RBFOX1: variants seen among roughly 807,000 people sequenced by gnomAD.
RBFOX1 encodes the protein RNA binding protein fox-1 homolog 1.
Under a neutral mutation model 57.7 loss-of-function variants are expected in RBFOX1, and 8 were observed. That is an observed-to-expected ratio of 0.14 (90% CI 0.08 to 0.25). The LOEUF (loss-of-function observed/expected upper bound fraction) is 0.25. RBFOX1 is among the 10% of genes least tolerant of loss of function. The probability of loss-of-function intolerance (pLI) is 1.00; values close to 1 mark genes in which losing one functional copy is unlikely to be tolerated. For missense variants in RBFOX1, 611 were observed against 548.5 expected, an observed-to-expected ratio of 1.11 and a Z score of -1.14; for synonymous variants, 326 against 222.4, an observed-to-expected ratio of 1.47 and a Z score of -4.15.
At chr16:5,696,212 A>G (rs550258427) in intron 3 of RBFOX1, among the ~76,000 whole-genome samples, 3 of 152,300 alleles carry the variant, frequency 2.0e-5, no homozygotes, top group Non-Finnish European at 4.4e-5. Context: ...GCCTCTGGGT[A>G]CCTTCTCCCA....
At chr16:5,360,204 C>T (rs978605830) in intron 1 of RBFOX1, among the ~76,000 whole-genome samples, 1 of 152,210 alleles carries the variant, frequency 6.6e-6, no homozygotes, top group Non-Finnish European at 1.5e-5. Context: ...CAGGCCTGGG[C>T]AGAGTTCTGC....
At chr16:7,579,487 T>A (rs1245232681) in intron 5 of RBFOX1, among the ~76,000 whole-genome samples, 2 of 152,080 alleles carry the variant, frequency 1.3e-5, no homozygotes, top group Non-Finnish European at 2.9e-5. Context: ...CTGCCAACAC[T>A]CTATCTATGG....
intron 4 of RBFOX1, among the ~76,000 whole-genome samples, chr16:7,285,436 T>C (rs2095631373): frequency 6.6e-6 from 1 of 151,948 alleles, no homozygotes. Context: ...TCTGGTTTTG[T>C]AGAATTTTAC....
intron 13 of RBFOX1, among the ~76,000 whole-genome samples, chr16:7,666,502 C>A (rs2069329675): frequency 6.6e-6 from 1 of 152,090 alleles, no homozygotes; most frequent in Non-Finnish European, 1.5e-5. Context: ...TTTATTGAAT[C>A]ATTAATGTGT....
At chr16:7,349,699 A>T (rs73565823) in intron 4 of RBFOX1, among the ~76,000 whole-genome samples, 14,770 of 152,120 alleles carry the variant, frequency 0.097, 811 homozygotes, top group Middle Eastern at 0.11. Flanking sequence ...ATATGTGTTC[A>T]CCGATTTAGT....
intron 3 of RBFOX1, among the ~76,000 whole-genome samples, chr16:6,694,187 C>A (rs554472909): frequency 2.6e-5 from 4 of 152,104 alleles, no homozygotes; most frequent in Non-Finnish European, 5.9e-5. Flanking sequence ...CTAAATAATC[C>A]CTTTAGGGCA....
rs2098743988 is a variant in RBFOX1 at position 7,438,959 on chromosome 16, A to G, written c.28-79188A>G. On this transcript the variant is annotated intron_variant, in intron 4 of 15. Coordinates refer to ENST00000550418, the MANE Select transcript of RBFOX1 (RefSeq NM_018723.4). ...AGAAAGCCATTTCAGAAGTCAGCCC[A>G]GTGAGAAGCACCTGTATGTAGAGAA... Among the ~76,000 whole-genome samples, 3 of 152,216 alleles carry G rather than the reference A, an allele frequency of 2.0e-5. 1 individual carries two copies. The South Asian group carries it at 6.2e-4, about 32-fold the overall frequency.
rs187009634 is a variant in RBFOX1, at chr16:5,262,669, C to T, written c.219+22564C>T. On this transcript the variant is annotated intron_variant, in intron 1 of 2. Coordinates refer to the RBFOX1 transcript ENST00000585867. ...CTCTCTGCTCTTTCTCTGGAGAACC[C>T]AGAGTAATATACAAGGTTATATTAG... Among the ~76,000 whole-genome samples the T allele has an allele frequency of 5.3e-5, 8 of 152,186 alleles. No homozygotes were observed. In the East Asian group the frequency reaches 1.2e-3, roughly 22 times the overall value.
At chr16:6,916,051 A>C (rs1316169763) in intron 3 of RBFOX1, among the ~76,000 whole-genome samples, 1 of 152,122 alleles carries the variant, frequency 6.6e-6, no homozygotes, top group Non-Finnish European at 1.5e-5. Flanking sequence ...ACAGAGCTCC[A>C]CACTGCTACT....
intron 3 of RBFOX1, among the ~76,000 whole-genome samples, chr16:6,866,515 AT>A (rs1446984339): frequency 2.9e-4 from 43 of 146,760 alleles, no homozygotes; most frequent in African/African-American, 1.1e-3. Context: ...AAAAAAAAAA[AT>A]AAGGTTAGGG....
chr16:7,191,138 A>T (rs939267640), intron 4 of RBFOX1, among the ~76,000 whole-genome samples: 1 of 152,104 alleles, frequency 6.6e-6, no homozygotes, highest in South Asian at 2.1e-4. Flanking sequence ...ATTCTTCACC[A>T]TCATACTTTA....
In RBFOX1 at chr16:5,723,261, C is replaced by T. The variant is rs141705541; in HGVS notation, c.318+124300C>T. ...AGCACAGTGACTGCTCCAAGGCAGG[C>T]ATTCACCAGAGTCCATTTTCTCATT... On this transcript the variant is annotated intron_variant, in intron 3 of 19. Transcript: ENST00000641259. Among the ~76,000 whole-genome samples, 12 of 152,322 alleles carry T rather than the reference C, an allele frequency of 7.9e-5. No individual in the cohort carries two copies. The East Asian group carries it at 1.7e-3, about 22-fold the overall frequency.
intron 3 of RBFOX1, among the ~76,000 whole-genome samples, chr16:5,813,247 C>T (rs909365500): frequency 2.6e-5 from 4 of 152,112 alleles, no homozygotes; most frequent in African/African-American, 4.8e-5. Context: ...ACCTGATGAT[C>T]CGCCTATTTC....
At chr16:6,845,291 T>C (rs576309295) in intron 3 of RBFOX1, among the ~76,000 whole-genome samples, 2 of 152,322 alleles carry the variant, frequency 1.3e-5, no homozygotes, top group Admixed American at 1.3e-4. Flanking sequence ...GTTTTTTTTT[T>C]CTAGTGTTTT....
chr16:7,185,011 C>T (rs916786716), intron 4 of RBFOX1, among the ~76,000 whole-genome samples: 3 of 152,054 alleles, frequency 2.0e-5, no homozygotes, highest in Admixed American at 6.6e-5. Context: ...CCCACTTTGC[C>T]AATAAGGAAA....
intron 2 of RBFOX1, among the ~76,000 whole-genome samples, chr16:6,480,984 A>G (rs2095363039): frequency 6.6e-6 from 1 of 152,328 alleles, no homozygotes; most frequent in African/African-American, 2.4e-5. Context: ...ATCACAAGCA[A>G]TAGCAATTAT....
intron 2 of RBFOX1, among the ~76,000 whole-genome samples, chr16:6,422,076 A>C (rs1370911668): frequency 6.6e-6 from 1 of 151,804 alleles, no homozygotes; most frequent in East Asian, 1.9e-4. Context: ...AAGTACCACC[A>C]CGCCTGGCTA....
At chr16:7,268,248 A>C (rs1332481210) in intron 4 of RBFOX1, among the ~76,000 whole-genome samples, 1 of 152,220 alleles carries the variant, frequency 6.6e-6, no homozygotes, top group African/African-American at 2.4e-5. Flanking sequence ...AATGTGGTTA[A>C]GCTGTGTAGG....
chr16:5,579,102 C>A (rs141385752), intron 2 of RBFOX1, among the ~76,000 whole-genome samples: 2 of 152,104 alleles, frequency 1.3e-5, no homozygotes, highest in African/African-American at 4.8e-5. Context: ...ACTGCCTCAG[C>A]CTCCCAAAGT....
Sources: allele counts gnomAD v4.1 joint callset (sites outside exome capture counted in the v4.1 genomes callset), GRCh38; gene constraint gnomAD v4.1.1; transcripts MANE v1.5; gene names NCBI Gene and HGNC (gene_info 2026-07-23, HGNC 2026-07-21).